ADAR: variants seen among roughly 807,000 people sequenced by gnomAD.
ADAR encodes adenosine deaminase RNA specific, also known as double-stranded RNA-specific adenosine deaminase.
A neutral mutation model predicts 113.2 loss-of-function variants in ADAR; 41 were observed. The observed-to-expected ratio is 0.36, with a 90% CI of 0.28 to 0.47. The LOEUF is 0.47. ADAR is among the 20% of genes least tolerant of loss of function. ADAR has a pLI of 1.00. For synonymous variants in ADAR, 605 were observed against 572.6 expected, an observed-to-expected ratio of 1.06 and a Z score of -0.81; for missense variants, 1,242 against 1,540.9, an observed-to-expected ratio of 0.81 and a Z score of 3.25.
At chr1:154,594,106 T>C (rs1448474000) in intron 6 of ADAR, among the ~76,000 whole-genome samples, 1 of 152,190 alleles carries the variant, frequency 6.6e-6, no homozygotes, top group Non-Finnish European at 1.5e-5. Flanking sequence ...GGTCTCAAAT[T>C]ACTGAGCTCA....
intron 11 of ADAR, among the ~76,000 whole-genome samples, 184 bp from the exon 12 acceptor site, chr1:154,586,547 G>C (rs1274026870): frequency 1.3e-5 from 2 of 152,238 alleles, no homozygotes; most frequent in African/African-American, 4.8e-5. Flanking sequence ...GCAAAACCAA[G>C]TAAGATCTTT....
rs149207057 is a variant in ADAR, at chr1:154,588,249, C to T, written c.2895G>A (p.Pro965=). Residue 965 remains proline, a synonymous_variant, in exon 11 of 15, where the codon CCG becomes CCA. Coordinates refer to ENST00000368474, the MANE Select transcript of ADAR (RefSeq NM_001111.5). ...TGTCAAAGAGGGCGCCATCTCCACA[C>T]GGAGCAGTGCTGAAAAACAGGGGTG... is the stretch of plus-strand genomic sequence containing the variant. ...VSFHLYISTA[P]CGDGALFDKS... 2.3e-5 allele frequency: 37 copies of T among 1,614,174 alleles called. 1 individual carries two copies. In the African/African-American group the frequency reaches 2.7e-4, roughly 12 times the overall value.
At chr1:154,592,521 C>T (rs1697215516) in intron 6 of ADAR, among the ~76,000 whole-genome samples, 1 of 152,120 alleles carries the variant, frequency 6.6e-6, no homozygotes, top group Non-Finnish European at 1.5e-5. Context: ...GATTAGAGTG[C>T]TGACGCTGGA....
chr1:154,606,204 G>A (rs1278234415), intron 1 of ADAR, among the ~76,000 whole-genome samples: 1 of 152,148 alleles, frequency 6.6e-6, no homozygotes, highest in African/African-American at 2.4e-5. Flanking sequence ...ACCACACCCA[G>A]CTAATTTTTG....
At chr1:154,598,900 G>C (rs946719414) in intron 2 of ADAR, among the ~76,000 whole-genome samples, 1 of 152,182 alleles carries the variant, frequency 6.6e-6, no homozygotes, top group African/African-American at 2.4e-5. Flanking sequence ...ACACAAAAAT[G>C]ATGAGCCAAA....
rs770642561 is a variant in ADAR at position 154,598,503 on chromosome 1, C to G, written c.1684G>C (p.Ala562Pro). The G allele has an allele frequency of 6.2e-7, 1 of 1,614,190 alleles. No homozygotes were observed. The change falls in exon 3 of 15, where the codon GCT becomes CCT. Residue 562 changes from alanine (A) to proline (P), a missense_variant. Ala to Pro is a conservative substitution (Grantham distance 27). Transcript: ENST00000368474. ...AGCAGAATTGTCATGGCTTTCATAG[C>G]TGCATCCTGCTTGGCCACTTTCTTG... is the stretch of plus-strand genomic sequence containing the variant. ...GSKKVAKQDAAMKAMTILLEE... is the reference protein window; with the variant it reads ...GSKKVAKQDAPMKAMTILLEE...
intron 10 of ADAR, 24 bp downstream of exon 10, chr1:154,588,527 G>A (rs750316347): frequency 6.2e-7 from 1 of 1,612,916 alleles, no homozygotes. Flanking sequence ...GGCCCACCCT[G>A]GCAGCAACAG....
intron 4 of ADAR, 76 bp downstream of exon 4, chr1:154,597,751 GA>G: frequency 6.3e-7 from 1 of 1,591,610 alleles, no homozygotes. Context: ...TGCCATCCCT[GA>G]GGAGGCAAGG....
At position 154,602,365 on chromosome 1, in the gene ADAR, C is replaced by T. The variant is rs752154843; in HGVS notation, c.277G>A (p.Val93Ile). The change falls in exon 2 of 15, where the codon GTC becomes ATC. Residue 93 changes from valine to isoleucine, a missense_variant. This residue lies in a region of ADAR where 462 missense variants were observed against 483.1 expected (regional missense o/e 0.96). Coordinates refer to ENST00000368474, the MANE Select transcript of ADAR (RefSeq NM_001111.5). ...TRGRQVDIRG[V>I]PRGVHLRSQG... Reference sequence around the variant, plus strand: ...CTTCTGAGATGCACGCCCCTGGGGACACCCCTGATGTCCACTTGCCTGCCT... The same window carrying T: ...CTTCTGAGATGCACGCCCCTGGGGATACCCCTGATGTCCACTTGCCTGCCT... 24 of 1,605,414 alleles carry T rather than the reference C, an allele frequency of 1.5e-5. No individual in the cohort carries two copies. In the South Asian group the frequency reaches 2.6e-4, roughly 17 times the overall value.
At chr1:154,627,566 G>A (rs1033228056) in intron 1 of ADAR, among the ~76,000 whole-genome samples, 2 of 152,312 alleles carry the variant, frequency 1.3e-5, no homozygotes, top group African/African-American at 4.8e-5. Flanking sequence ...CGGCTGGCAC[G>A]AGCGCCGGAG....
At position 154,608,036 on chromosome 1, in the gene ADAR, C is replaced by A; in HGVS notation, c.-30G>T. On this transcript the variant is annotated 5_prime_UTR_variant, in exon 1 of 15. Coordinates refer to ENST00000368474, the MANE Select transcript of ADAR (RefSeq NM_001111.5). ...CCCGCGAGGCATTGCCCGGCCCGAC[C>A]CGCCGGCGGCACGACCCTGGCCCGA... is the stretch of plus-strand genomic sequence containing the variant. 6.4e-7 allele frequency: 1 copy of A among 1,569,206 alleles called. No individual in the cohort carries two copies. Among genetic ancestry groups the A allele is most frequent in the Non-Finnish European group, 8.6e-7 (1 of 1,157,018 alleles).
At chr1:154,612,556 T>C (rs1698517211), upstream of ADAR, among the ~76,000 whole-genome samples, 1 of 151,958 alleles carries the variant, frequency 6.6e-6, no homozygotes, top group Admixed American at 6.6e-5. Context: ...CTCGATCTCC[T>C]GACCTCGTCA....
Position 154,605,419 on chromosome 1 carries a change from C to G in ADAR, c.15+2573G>C, listed in dbSNP as rs144326449. On this transcript the variant is annotated intron_variant, in intron 1 of 14. Coordinates refer to ENST00000368474, the MANE Select transcript of ADAR (RefSeq NM_001111.5). ...ACCTGTTAAACCATTTACTTTCCCTCGTATCAGAGCTACTGGATTTTTTTT... is the reference window on the plus strand; with the variant it reads ...ACCTGTTAAACCATTTACTTTCCCTGGTATCAGAGCTACTGGATTTTTTTT... Among the ~76,000 whole-genome samples the G allele has an allele frequency of 5.8e-3, 814 of 140,480 alleles. 5 individuals are homozygous for G. The highest frequency in any genetic ancestry group is 0.02 in the African/African-American group (777 of 38,682). 92.2% of individuals were successfully genotyped at this position (140,480 alleles called of 152,430 possible). A position where few individuals can be genotyped will look rare whatever the true frequency, so the allele number is the denominator to read the frequency against.
chr1:154,598,783 A>T (rs1315812209), intron 2 of ADAR, among the ~76,000 whole-genome samples, 198 bp from the exon 3 acceptor site: 1 of 152,128 alleles, frequency 6.6e-6, no homozygotes, highest in Non-Finnish European at 1.5e-5. Flanking sequence ...GCAGCCAGTG[A>T]CTCTTTCCCC....
chr1:154,619,218 A>G (rs1412696360), intron 1 of ADAR, among the ~76,000 whole-genome samples: 1 of 152,234 alleles, frequency 6.6e-6, no homozygotes, highest in East Asian at 1.9e-4. Context: ...TTCCCTCCCC[A>G]GCCCCAGAGG....
At chr1:154,598,366 G>T (rs779048080) in intron 3 of ADAR, 36 bp downstream of exon 3, 1 of 1,607,628 alleles carries the variant, frequency 6.2e-7, no homozygotes, top group Non-Finnish European at 8.5e-7. Context: ...ACACTGACAG[G>T]GAACTGATCC....
In ADAR at chr1:154,618,817, A is replaced by T. The variant is rs879709390; in HGVS notation, c.-871+9038T>A. Among the ~76,000 whole-genome samples the T allele has an allele frequency of 2.0e-5, 3 of 152,200 alleles. No individual in the cohort carries two copies. The East Asian group carries it at 5.8e-4, about 29-fold the overall frequency. ...AAGTGTAAAAAAATTAAATAAAAACACCAAGAAGCAGGCCGGCCGTGGTGG... is the reference window on the plus strand; with the variant it reads ...AAGTGTAAAAAAATTAAATAAAAACTCCAAGAAGCAGGCCGGCCGTGGTGG... On this transcript the variant is annotated intron_variant, in intron 1 of 14. Coordinates refer to the ADAR transcript ENST00000368471.
rs1004036995 is a variant in ADAR, at chr1:154,614,024, A to G, written c.-870-11398T>C. Among the ~76,000 whole-genome samples, 3 of 152,174 alleles carry G rather than the reference A, an allele frequency of 2.0e-5. 1 individual carries two copies. The highest frequency in any genetic ancestry group is 7.2e-5 in the African/African-American group (3 of 41,440). On this transcript the variant is annotated intron_variant, in intron 1 of 14. Transcript: ENST00000368471. The stretch of plus-strand genomic sequence containing the variant: ...AAGTTATCTAGTAACAAAGAAAAAA[A>G]GTGGTATTTATCAACTAGCTATATG...
intron 6 of ADAR, among the ~76,000 whole-genome samples, chr1:154,591,302 C>T (rs985976443): frequency 1.3e-5 from 2 of 152,236 alleles, no homozygotes; most frequent in South Asian, 2.1e-4. Flanking sequence ...GTCACTGTTA[C>T]TTCATACACT....
Sources: gnomAD v4.1 joint callset for allele counts (sites outside exome capture counted in the v4.1 genomes callset) on GRCh38, gnomAD v4.1.1 for gene constraint, gnomAD v4.1.1 regional missense constraint, MANE v1.5 for transcripts, NCBI Gene and HGNC (gene_info 2026-07-23, HGNC 2026-07-21) for gene names.